The following HSD17B1 variants were observed in gnomAD, a reference collection of about 807,000 sequenced individuals.
HSD17B1 encodes the protein hydroxysteroid 17-beta dehydrogenase 1.
Under a neutral mutation model 22.7 loss-of-function variants are expected in HSD17B1, and 16 were observed. That is an observed-to-expected ratio of 0.71 (90% confidence interval 0.48 to 1.07). The LOEUF is 1.07. Among genes scored for constraint, HSD17B1 ranks in the 50% least tolerant of loss-of-function variants. The probability of loss-of-function intolerance (pLI) is 0.00; values close to 1 mark genes in which losing one functional copy is unlikely to be tolerated. For synonymous variants in HSD17B1, 243 were observed against 211.0 expected, an observed-to-expected ratio of 1.15 and a Z score of -1.31; for missense variants, 533 against 459.9, an observed-to-expected ratio of 1.16 and a Z score of -1.45.
intron 4 of HSD17B1, 136 bp from the exon 5 acceptor site, chr17:42,554,269 C>T (rs2092954813): frequency 7.1e-6 from 9 of 1,260,648 alleles, no homozygotes; most frequent in South Asian, 4.6e-5. Flanking sequence ...GCGCCCTTTC[C>T]GCCTCACTTC....
In HSD17B1 at chr17:42,553,618, G is replaced by C; in HGVS notation, c.445G>C (p.Gly149Arg). ...GACCGGGAGCGTGGGAGGATTGATG[G>C]GTGAGTGGTAGGGAGTGGCCTCGGC... ...LVTGSVGGLM[G>R]LPFNDVYCAS... The change falls in exon 3 of 6, where the codon GGG (glycine) becomes CGG (arginine). Residue 149 changes from glycine (G) to arginine (R), a missense_variant and splice_region_variant. By Grantham distance (125) the Gly-to-Arg change is moderately radical (BLOSUM62 -2). Coordinates refer to ENST00000585807, the MANE Select transcript of HSD17B1 (RefSeq NM_000413.4). 3.1e-6 allele frequency: 5 copies of C among 1,606,236 alleles called. No individual in the cohort carries two copies. Among genetic ancestry groups the C allele is most frequent in the Non-Finnish European group, 4.2e-6 (5 of 1,176,544 alleles).
In HSD17B1 at chr17:42,553,549, T is replaced by C; in HGVS notation, c.376T>C (p.Phe126Leu). 1 of 1,613,858 alleles carries C rather than the reference T, an allele frequency of 6.2e-7. No individual in the cohort carries two copies. The highest frequency in any genetic ancestry group is 1.1e-5 in the South Asian group (1 of 91,084). The change falls in exon 3 of 6, where the codon TTC becomes CTC. Residue 126 changes from phenylalanine (F) to leucine (L), a missense_variant. Coordinates refer to ENST00000585807, the MANE Select transcript of HSD17B1 (RefSeq NM_000413.4). Reference sequence around the variant, plus strand: ...AGGGACTGTGCGGATGCTGCAGGCCTTCCTGCCAGACATGAAGAGGCGCGG... The same window carrying C: ...AGGGACTGTGCGGATGCTGCAGGCCCTCCTGCCAGACATGAAGAGGCGCGG... The part of the protein sequence containing the change: ...VVGTVRMLQA[F>L]LPDMKRRGSG...
chr17:42,552,994 G>A lies in HSD17B1; in HGVS notation c.61G>A (p.Val21Ile), dbSNP rs143237971. The change falls in exon 1 of 6, where the codon GTA (valine) becomes ATA (isoleucine). Residue 21 changes from valine to isoleucine, a missense_variant. By Grantham distance (29) the Val-to-Ile change is conservative. Coordinates refer to ENST00000585807, the MANE Select transcript of HSD17B1 (RefSeq NM_000413.4). The part of the protein sequence containing the change: ...CSSGIGLHLA[V>I]RLASDPSQSF... ...CTCGGGCATCGGCCTGCACTTGGCCGTACGTCTGGCTTCAGATCCATCCCA... is the reference window on the plus strand; with the variant it reads ...CTCGGGCATCGGCCTGCACTTGGCCATACGTCTGGCTTCAGATCCATCCCA... The A allele has an allele frequency of 8.3e-5, 134 of 1,614,050 alleles. No homozygotes were observed. Among genetic ancestry groups the A allele is most frequent in the Non-Finnish European group, 1.1e-4 (128 of 1,180,046 alleles).
intron 4 of HSD17B1, 104 bp from the exon 5 acceptor site, chr17:42,554,301 C>G (rs1211638377): frequency 2.1e-6 from 3 of 1,420,256 alleles, no homozygotes; most frequent in South Asian, 2.8e-5. Context: ...GTGCTGCTCG[C>G]GGTCGGGGGC....
intron 4 of HSD17B1, 51 bp downstream of exon 4, chr17:42,553,938 G>T: frequency 6.8e-7 from 1 of 1,471,368 alleles, no homozygotes. Flanking sequence ...ACCTAGAGAC[G>T]CCGAGCACCC....
At position 42,553,594 on chromosome 17, in the gene HSD17B1, AC is replaced by A. The variant is rs1347239843; in HGVS notation, c.423del (p.Ser143AlafsTer5). Reference protein sequence around the residue: ...KRRGSGRVLVTGSVGGLMGLP... With the variant: ...KRRGSGRVLVXGSVGGLMGLP... Reference sequence around the variant, plus strand: ...GCGCGGTTCGGGACGCGTGTTGGTGACCGGGAGCGTGGGAGGATTGATGGGT... The same window carrying A: ...GCGCGGTTCGGGACGCGTGTTGGTGACGGGAGCGTGGGAGGATTGATGGGT... On this transcript the variant is annotated frameshift_variant, in exon 3 of 6. Coordinates refer to ENST00000585807, the MANE Select transcript of HSD17B1 (RefSeq NM_000413.4). LOFTEE classifies it high-confidence loss of function. 1 of 1,609,934 alleles carries A rather than the reference AC, an allele frequency of 6.2e-7. No individual in the cohort carries two copies. The highest frequency in any genetic ancestry group is 8.5e-7 in the Non-Finnish European group (1 of 1,178,276).
chr17:42,553,520 T>C lies in HSD17B1; in HGVS notation c.347T>C (p.Val116Ala). The C allele has an allele frequency of 6.2e-7, 1 of 1,614,006 alleles. No individual in the cohort carries two copies. Among genetic ancestry groups the C allele is most frequent in the Non-Finnish European group, 8.5e-7 (1 of 1,179,932 alleles). ...GTGGCCTCTGTGCTGGACGTGAATG[T>C]AGTAGGGACTGTGCGGATGCTGCAG... The part of the protein sequence containing the change: ...DAVASVLDVN[V>A]VGTVRMLQAF... Residue 116 changes from valine (V) to alanine (A), a missense_variant, in exon 3 of 6, where the codon GTA becomes GCA. Physicochemically the swap from Val to Ala is moderately conservative, Grantham distance 64 (BLOSUM62 0). Coordinates refer to ENST00000585807, the MANE Select transcript of HSD17B1 (RefSeq NM_000413.4).
rs1567898143 is a variant in HSD17B1, at chr17:42,553,554, G to A, written c.381G>A (p.Leu127=). The change falls in exon 3 of 6, where the codon CTG becomes CTA. Residue 127 remains leucine (L), a synonymous_variant. Coordinates refer to ENST00000585807, the MANE Select transcript of HSD17B1 (RefSeq NM_000413.4). ...CTGTGCGGATGCTGCAGGCCTTCCTGCCAGACATGAAGAGGCGCGGTTCGG... is the reference window on the plus strand; with the variant it reads ...CTGTGCGGATGCTGCAGGCCTTCCTACCAGACATGAAGAGGCGCGGTTCGG... ...VGTVRMLQAF[L]PDMKRRGSGR... 3 of 1,613,726 alleles carry A rather than the reference G, an allele frequency of 1.9e-6. No individual in the cohort carries two copies. The Admixed American group carries it at 5.0e-5, about 27-fold the overall frequency.
intron 1 of HSD17B1, 33 bp downstream of exon 1, chr17:42,553,063 G>T (rs1211668215): frequency 1.2e-6 from 2 of 1,613,982 alleles, no homozygotes; most frequent in African/African-American, 1.3e-5. Flanking sequence ...AGGGAGAGAA[G>T]GGAGGAGCCC....
At chr17:42,554,303 G>A (rs1288984710) in intron 4 of HSD17B1, 102 bp from the exon 5 acceptor site, 1 of 1,431,448 alleles carries the variant, frequency 7.0e-7, no homozygotes, top group African/African-American at 1.4e-5. Context: ...GCTGCTCGCG[G>A]TCGGGGGCCG....
Position 42,555,093 on chromosome 17 carries a change from T to G in HSD17B1, c.*155T>G. ...GCAGCTAGGCGCGATGGCTGTCGCCTGTAATGCCAGCGCTTTGGGAGGCGG... is the reference window on the plus strand; with the variant it reads ...GCAGCTAGGCGCGATGGCTGTCGCCGGTAATGCCAGCGCTTTGGGAGGCGG... On this transcript the variant is annotated 3_prime_UTR_variant, in exon 6 of 6. Transcript: ENST00000585807. The G allele has an allele frequency of 1.5e-6, 2 of 1,354,578 alleles. No homozygotes were observed. The highest frequency in any genetic ancestry group is 1.9e-6 in the Non-Finnish European group (2 of 1,055,414). The allele number at this position is 1,354,578 out of a possible 1,614,324, so 83.9% of individuals were successfully genotyped here. A position where few individuals can be genotyped will look rare whatever the true frequency, so the allele number is the denominator to read the frequency against.
At chr17:42,553,999 C>T (rs762425479) in intron 4 of HSD17B1, 112 bp downstream of exon 4, 32 of 946,720 alleles carry the variant, frequency 3.4e-5, no homozygotes, top group Non-Finnish European at 5.3e-5. Flanking sequence ...CTCTGCCCGG[C>T]TCACATTAGC....
chr17:42,555,104 C>A lies in HSD17B1; in HGVS notation c.*166C>A. ...CGATGGCTGTCGCCTGTAATGCCAG[C>A]GCTTTGGGAGGCGGAGGCAGGAGGA... On this transcript the variant is annotated 3_prime_UTR_variant, in exon 6 of 6. Coordinates refer to ENST00000585807, the MANE Select transcript of HSD17B1 (RefSeq NM_000413.4). 1 of 1,335,544 alleles carries A rather than the reference C, an allele frequency of 7.5e-7. No homozygotes were observed. Among genetic ancestry groups the A allele is most frequent in the Non-Finnish European group, 9.6e-7 (1 of 1,039,288 alleles). 82.7% of individuals were successfully genotyped at this position (1,335,544 alleles called of 1,614,324 possible). A position where few individuals can be genotyped will look rare whatever the true frequency, so the allele number is the denominator to read the frequency against.
Position 42,554,779 on chromosome 17 carries a change from C to T in HSD17B1, c.828C>T (p.Tyr276=), listed in dbSNP as rs1240532653. The T allele has an allele frequency of 1.9e-6, 3 of 1,603,298 alleles. No homozygotes were observed. In the South Asian group the frequency reaches 3.3e-5, roughly 18 times the overall value. ...TGGACGACCCCAGCGGCTCCAACTACGTCACCGCCATGCACCGGGAAGTGT... is the reference window on the plus strand; with the variant it reads ...TGGACGACCCCAGCGGCTCCAACTATGTCACCGCCATGCACCGGGAAGTGT... ...MRLDDPSGSN[Y]VTAMHREVFG... is the part of the protein sequence containing the mutation. The change falls in exon 6 of 6, where the codon TAC becomes TAT. Residue 276 remains tyrosine, a synonymous_variant. Coordinates refer to ENST00000585807, the MANE Select transcript of HSD17B1 (RefSeq NM_000413.4).
Position 42,555,143 on chromosome 17 carries a change from G to T in HSD17B1, c.*205G>T. ...GAGGCAGGAGGATCGCTCAAGCCCCGGAGTTGGAGACCAGCCAGAGCAACA... is the reference window on the plus strand; with the variant it reads ...GAGGCAGGAGGATCGCTCAAGCCCCTGAGTTGGAGACCAGCCAGAGCAACA... On this transcript the variant is annotated 3_prime_UTR_variant, in exon 6 of 6. Transcript: ENST00000585807. 1.8e-6 allele frequency: 2 copies of T among 1,092,052 alleles called. No homozygotes were observed. The allele number at this position is 1,092,052 out of a possible 1,614,324, so 67.6% of individuals were successfully genotyped here.
chr17:42,553,898 AC>A lies in HSD17B1; in HGVS notation c.539+16del. 6.2e-7 allele frequency: 1 copy of A among 1,606,804 alleles called. No individual in the cohort carries two copies. Among genetic ancestry groups the A allele is most frequent in the Non-Finnish European group, 8.5e-7 (1 of 1,175,288 alleles). On this transcript the variant is annotated intron_variant, in intron 4 of 5. Transcript: ENST00000585807. ...GCCCTTTGGGGTCCAGTGAGTCAAC[AC>A]CCCCGTTCCCCGAACCCTCTTAACT... is the stretch of plus-strand genomic sequence containing the variant.
In HSD17B1 at chr17:42,553,755, T is replaced by C. The variant is rs72547451; in HGVS notation, c.446-39T>C. The C allele has an allele frequency of 1.2e-3, 1,985 of 1,600,582 alleles. 52 individuals carry two copies. The East Asian group carries it at 0.042, about 34-fold the overall frequency. ...CACCGTCTGCCCGGGGATGACCCCC[T>C]GGCCGCTGCGCCTCAGGAACCTCGT... is the stretch of plus-strand genomic sequence containing the variant. On this transcript the variant is annotated intron_variant, in intron 3 of 5. Transcript: ENST00000585807.
chr17:42,554,651 C>T lies in HSD17B1; in HGVS notation c.718-18C>T. On this transcript the variant is annotated intron_variant, in intron 5 of 5. Coordinates refer to ENST00000585807, the MANE Select transcript of HSD17B1 (RefSeq NM_000413.4). Reference sequence around the variant, plus strand: ...CCGGCGCGCAGCGGTGGCCACAGCTCTCCTCCCGCCGCCGCAGGTCTTCCT... The same window carrying T: ...CCGGCGCGCAGCGGTGGCCACAGCTTTCCTCCCGCCGCCGCAGGTCTTCCT... 2 of 1,604,892 alleles carry T rather than the reference C, an allele frequency of 1.2e-6. No homozygotes were observed. The highest frequency in any genetic ancestry group is 1.7e-6 in the Non-Finnish European group (2 of 1,178,360).
rs1034927741 is a variant in HSD17B1 at position 42,555,023 on chromosome 17, G to A, written c.*85G>A. The stretch of plus-strand genomic sequence containing the variant: ...TGGGGATGGGGCGGCGGTAGCAGCT[G>A]TGGGTGGCTAATTAAGATAGATCGC... On this transcript the variant is annotated 3_prime_UTR_variant, in exon 6 of 6. Transcript: ENST00000585807. 7.1e-7 allele frequency: 1 copy of A among 1,411,776 alleles called. No individual in the cohort carries two copies. The highest frequency in any genetic ancestry group is 3.1e-5 in the Admixed American group (1 of 32,762). The allele number at this position is 1,411,776 out of a possible 1,614,324, so 87.5% of individuals were successfully genotyped here.
Sources: allele counts gnomAD v4.1 joint callset, GRCh38; gene constraint gnomAD v4.1.1; transcripts MANE v1.5; gene names NCBI Gene and HGNC (gene_info 2026-07-23, HGNC 2026-07-21).